HPSE2: variants seen among roughly 807,000 people sequenced by gnomAD.
HPSE2 encodes inactive heparanase-2.
A neutral mutation model predicts 60.5 loss-of-function variants in HPSE2; 38 were observed. The ratio of observed to expected loss-of-function variants is 0.63; its 90% confidence interval spans 0.48 to 0.82. The LOEUF is 0.82. HPSE2 is among the 40% of genes least tolerant of loss of function. The probability of loss-of-function intolerance (pLI) is 0.00; values close to 1 mark genes in which losing one functional copy is unlikely to be tolerated. For missense variants in HPSE2, 713 were observed against 740.4 expected (o/e 0.96, Z 0.43); for synonymous variants, 295 against 293.2 (o/e 1.01, Z -0.06).
chr10:99,254,622 A>G, the HPSE2 span, among the ~76,000 whole-genome samples: 1 of 152,236 alleles, frequency 6.6e-6, no homozygotes, highest in Non-Finnish European at 1.5e-5. Context: ...TTGACTGAAA[A>G]TAGCTAATTG....
chr10:98,625,310 A>AAG (rs1260717617), intron 7 of HPSE2, among the ~76,000 whole-genome samples: 4 of 152,234 alleles, frequency 2.6e-5, no homozygotes, highest in Non-Finnish European at 4.4e-5. Flanking sequence ...AGATCTAGAG[A>AAG]AGAGCAACAT....
At chr10:99,224,198 G>A (rs1248449255) in intron 2 of HPSE2, among the ~76,000 whole-genome samples, 1 of 152,030 alleles carries the variant, frequency 6.6e-6, no homozygotes, top group African/African-American at 2.4e-5. Context: ...ATATCAAAGT[G>A]AAGAAAACTG....
chr10:98,867,399 TCAA>T (rs1952615647), intron 3 of HPSE2, among the ~76,000 whole-genome samples: 1 of 151,912 alleles, frequency 6.6e-6, no homozygotes, highest in East Asian at 1.9e-4. Flanking sequence ...GAAAAAGTGC[TCAA>T]CAACATTGAT....
At chr10:98,588,259 T>C (rs1428560538) in intron 9 of HPSE2, among the ~76,000 whole-genome samples, 1 of 150,156 alleles carries the variant, frequency 6.7e-6, no homozygotes, top group Non-Finnish European at 1.5e-5. Flanking sequence ...GTAGGGAAAG[T>C]TTGGAGGGGA....
At chr10:99,267,934 T>C in the HPSE2 span, among the ~76,000 whole-genome samples, 2 of 152,010 alleles carry the variant, frequency 1.3e-5, no homozygotes, top group Non-Finnish European at 2.9e-5. Flanking sequence ...AACACCCAAA[T>C]ACAAGAAGCT....
At chr10:98,842,867 C>A (rs1381693514) in intron 3 of HPSE2, among the ~76,000 whole-genome samples, 2 of 152,168 alleles carry the variant, frequency 1.3e-5, no homozygotes, top group East Asian at 3.8e-4. Context: ...TCACTCCCTC[C>A]CACCCTAACC....
intron 2 of HPSE2, among the ~76,000 whole-genome samples, chr10:99,220,449 T>C (rs71488007): frequency 0.013 from 1,969 of 152,306 alleles, 26 homozygotes; most frequent in Non-Finnish European, 0.02. Context: ...TCTGTATGCA[T>C]GGCAAATGAT....
intron 4 of HPSE2, among the ~76,000 whole-genome samples, chr10:98,722,809 G>T (rs964332780): frequency 9.9e-5 from 15 of 151,982 alleles, no homozygotes; most frequent in Non-Finnish European, 2.1e-4. Context: ...CTATGATACT[G>T]GCAGGTACAA....
At chr10:98,694,496 G>T (rs565740061) in intron 5 of HPSE2, among the ~76,000 whole-genome samples, 1 of 152,298 alleles carries the variant, frequency 6.6e-6, no homozygotes, top group South Asian at 2.1e-4. Context: ...AGCACAAAGA[G>T]AAATCTATCA....
chr10:98,703,478 A>G (rs1326521745), intron 5 of HPSE2, among the ~76,000 whole-genome samples: 1 of 16,608 alleles, frequency 6.0e-5, no homozygotes, highest in African/African-American at 8.2e-5. Flanking sequence ...AGACACAACA[A>G]AAAAAAGAAA....
chr10:99,049,715 A>G (rs1957945645), intron 3 of HPSE2, among the ~76,000 whole-genome samples: 1 of 152,164 alleles, frequency 6.6e-6, no homozygotes, highest in Middle Eastern at 3.2e-3. Context: ...TACCAGATAA[A>G]TAATTATTAA....
intron 3 of HPSE2, among the ~76,000 whole-genome samples, chr10:98,999,322 A>T (rs1263493047): frequency 6.6e-6 from 1 of 152,200 alleles, no homozygotes; most frequent in Admixed American, 6.5e-5. Flanking sequence ...GGAAACTCAG[A>T]TGCAACAAAC....
intron 3 of HPSE2, among the ~76,000 whole-genome samples, chr10:98,921,645 T>C (rs1362811034): frequency 1.3e-5 from 2 of 152,222 alleles, no homozygotes; most frequent in Non-Finnish European, 2.9e-5. Context: ...GAGCTTTGCA[T>C]GGTTCATTAG....
the HPSE2 span, among the ~76,000 whole-genome samples, chr10:99,303,996 G>A: frequency 2.0e-5 from 3 of 152,250 alleles, no homozygotes; most frequent in South Asian, 4.2e-4. Flanking sequence ...CTTAGATTAG[G>A]CATCCAGAGA....
At chr10:98,677,575 G>C (rs1457662233) in intron 6 of HPSE2, among the ~76,000 whole-genome samples, 1 of 152,108 alleles carries the variant, frequency 6.6e-6, no homozygotes, top group East Asian at 1.9e-4. Context: ...TTGTGAAATG[G>C]ACATTAACCC....
At chr10:98,722,312 G>A (rs919021856) in intron 4 of HPSE2, among the ~76,000 whole-genome samples, 6 of 151,118 alleles carry the variant, frequency 4.0e-5, no homozygotes, top group Admixed American at 1.3e-4. Context: ...AGAATGCCAC[G>A]TGACAACAAA....
chr10:98,709,999 C>T (rs994504426), intron 5 of HPSE2, among the ~76,000 whole-genome samples: 1 of 152,258 alleles, frequency 6.6e-6, no homozygotes, highest in Admixed American at 6.5e-5. Flanking sequence ...CAAAGAGAAT[C>T]TTTGGTTATG....
chr10:99,208,085 T>C (rs1042027791), intron 2 of HPSE2, among the ~76,000 whole-genome samples: 43 of 150,848 alleles, frequency 2.9e-4, no homozygotes, highest in African/African-American at 9.7e-4. Flanking sequence ...TATACCATAA[T>C]AAAATTCAAA....
intron 9 of HPSE2, among the ~76,000 whole-genome samples, chr10:98,602,862 A>T (rs895531052): frequency 2.0e-5 from 3 of 152,220 alleles, no homozygotes; most frequent in African/African-American, 7.2e-5. Flanking sequence ...TTCTTAGAAG[A>T]AAAAATAGGA....
Sources: gnomAD v4.1 joint callset for allele counts (sites outside exome capture counted in the v4.1 genomes callset) on GRCh38, gnomAD v4.1.1 for gene constraint, MANE v1.5 for transcripts, NCBI Gene and HGNC (gene_info 2026-07-23, HGNC 2026-07-21) for gene names.